PGBD5: variants seen among roughly 807,000 people sequenced by gnomAD.
PGBD5 encodes piggyBac transposable element-derived protein 5.
In PGBD5, 14 loss-of-function variants were observed where a neutral mutation model predicts 47.9. The ratio of observed to expected loss-of-function variants is 0.29; its 90% confidence interval spans 0.19 to 0.46. The LOEUF (loss-of-function observed/expected upper bound fraction) is 0.46. Among genes scored for constraint, PGBD5 ranks in the 20% least tolerant of loss-of-function variants. The pLI, the probability that PGBD5 is intolerant of heterozygous loss-of-function variation, is 1.00. For missense variants in PGBD5, 635 were observed against 716.0 expected, an observed-to-expected ratio of 0.89 and a Z score of 1.29; for synonymous variants, 316 against 306.3, an observed-to-expected ratio of 1.03 and a Z score of -0.33.
intron 3 of PGBD5, among the ~76,000 whole-genome samples, chr1:230,340,983 T>C (rs1667399855): frequency 6.6e-6 from 1 of 152,096 alleles, no homozygotes; most frequent in African/African-American, 2.4e-5. Context: ...GGACAGGCAC[T>C]GAGCTAAAGG....
intron 2 of PGBD5, among the ~76,000 whole-genome samples, chr1:230,351,492 G>GCCCCTTCCACTCATGGAAA (rs978899267): frequency 6.6e-6 from 1 of 152,130 alleles, no homozygotes; most frequent in Non-Finnish European, 1.5e-5. Flanking sequence ...TTTCATGGAA[G>GCCCCTTCCACTCATGGAAA]CCCCTTCCAC....
chr1:230,363,761 G>A (rs1667785770), intron 1 of PGBD5, among the ~76,000 whole-genome samples: 1 of 152,172 alleles, frequency 6.6e-6, no homozygotes, highest in African/African-American at 2.4e-5. Context: ...AAGGGCTTAA[G>A]AGGATGGAAT....
chr1:230,346,248 C>T (rs1347545832), intron 3 of PGBD5, among the ~76,000 whole-genome samples: 2 of 151,898 alleles, frequency 1.3e-5, no homozygotes, highest in Non-Finnish European at 2.9e-5. Flanking sequence ...GCCATGTTGC[C>T]CAGGCTGGTC....
chr1:230,331,255 T>C lies in PGBD5; in HGVS notation c.1273+1589A>G, dbSNP rs1036683218. Among the ~76,000 whole-genome samples, 38 of 151,744 alleles carry C rather than the reference T, an allele frequency of 2.5e-4. 1 individual carries two copies. Among genetic ancestry groups the C allele is most frequent in the Non-Finnish European group, 1.9e-4 (13 of 67,924 alleles). On this transcript the variant is annotated intron_variant, in intron 5 of 6. Coordinates refer to ENST00000391860, the MANE Select transcript of PGBD5 (RefSeq NM_001258311.2). ...TAGTGAGACCCTGTCTCACAAAAAATACAAAAAAACATTAGCCGGGCGCAG... is the reference window on the plus strand; with the variant it reads ...TAGTGAGACCCTGTCTCACAAAAAACACAAAAAAACATTAGCCGGGCGCAG...
At chr1:230,375,652 CTTTTTTTTTTTTT>C (rs199545872) in intron 1 of PGBD5, among the ~76,000 whole-genome samples, 24,178 of 105,952 alleles carry the variant, frequency 0.23, 2,576 homozygotes, top group South Asian at 0.35. Context: ...TCCTATTTGA[CTTTTTTTTTTTTT>C]TTTTTTTTTT....
intron 5 of PGBD5, among the ~76,000 whole-genome samples, chr1:230,327,714 C>T (rs1214073010): frequency 2.0e-5 from 3 of 152,328 alleles, no homozygotes; most frequent in Non-Finnish European, 2.9e-5. Context: ...CAGGGCTCAG[C>T]GCACCAGGCG....
chr1:230,406,905 C>T (rs1022122932), intron 1 of PGBD5, among the ~76,000 whole-genome samples: 2 of 152,194 alleles, frequency 1.3e-5, no homozygotes, highest in Non-Finnish European at 1.5e-5. Context: ...GCGCAATCTT[C>T]GCTCACTGCA....
In PGBD5 at chr1:230,333,018, G is replaced by A. The variant is rs1327319064; in HGVS notation, c.1099C>T (p.Arg367Cys). Reference protein sequence around the residue: ...KQGIYCCGLLRARKSDCTGLP... With the variant: ...KQGIYCCGLLCARKSDCTGLP... ...CCGGTGCAGTCACTCTTCCGCGCGC[G>A]GAGCAAGCCGCAGCAGTAAATCCCT... The change falls in exon 5 of 7, where the codon CGC (arginine) becomes TGC (cysteine). Residue 367 changes from arginine to cysteine, a missense_variant. By Grantham distance (180) the Arg-to-Cys change is radical. Coordinates refer to ENST00000391860, the MANE Select transcript of PGBD5 (RefSeq NM_001258311.2). The A allele has an allele frequency of 2.5e-6, 4 of 1,603,444 alleles. No individual in the cohort carries two copies. The highest frequency in any genetic ancestry group is 1.1e-5 in the South Asian group (1 of 89,988).
chr1:230,348,487 C>T (rs558635833), intron 3 of PGBD5, among the ~76,000 whole-genome samples: 4 of 152,204 alleles, frequency 2.6e-5, no homozygotes, highest in East Asian at 1.9e-4. Context: ...GGGATCAACA[C>T]GGCCTGCTCT....
At chr1:230,383,384 TGA>T (rs1040541300) in intron 1 of PGBD5, among the ~76,000 whole-genome samples, 14 of 150,330 alleles carry the variant, frequency 9.3e-5, no homozygotes, top group Non-Finnish European at 1.3e-4. Flanking sequence ...TTTTAATTTT[TGA>T]GAGAGTCTCA....
intron 3 of PGBD5, among the ~76,000 whole-genome samples, chr1:230,348,127 A>G (rs748089823): frequency 1.3e-5 from 2 of 152,240 alleles, no homozygotes; most frequent in Non-Finnish European, 2.9e-5. Flanking sequence ...CTTCCCCGCT[A>G]AGTCATTCAG....
Position 230,328,164 on chromosome 1 carries a change from C to T in PGBD5, c.1274-2749G>A, listed in dbSNP as rs540358513. 1.5e-4 allele frequency among the ~76,000 whole-genome samples: 23 copies of T among 152,338 alleles called. 1 individual carries two copies. The South Asian group carries it at 4.6e-3, about 30-fold the overall frequency. The stretch of plus-strand genomic sequence containing the variant: ...TAGCCACCGACCTTGCAGCTTTTCA[C>T]CTCCTGATTTCAGCCCAATAAGAGC... On this transcript the variant is annotated intron_variant, in intron 5 of 6. Coordinates refer to ENST00000391860, the MANE Select transcript of PGBD5 (RefSeq NM_001258311.2).
At chr1:230,362,234 A>C (rs777006776) in intron 1 of PGBD5, 1 of 1,356,750 alleles carries the variant, frequency 7.4e-7, no homozygotes, top group East Asian at 4.6e-5. Context: ...ATCAGGTGAG[A>C]CCTGGCTGGG....
intron 1 of PGBD5, among the ~76,000 whole-genome samples, chr1:230,364,100 T>TC (rs1667790295): frequency 6.6e-6 from 1 of 152,200 alleles, no homozygotes; most frequent in Admixed American, 6.5e-5. Context: ...AAAGACTTTT[T>TC]CCCTTGCTCA....
chr1:230,337,218 T>A lies in PGBD5; in HGVS notation c.965A>T (p.His322Leu). 6.2e-7 allele frequency: 1 copy of A among 1,614,194 alleles called. No homozygotes were observed. Among genetic ancestry groups the A allele is most frequent in the East Asian group, 2.2e-5 (1 of 44,882 alleles). The change falls in exon 4 of 7, where the codon CAC (histidine) becomes CTC (leucine). Residue 322 changes from histidine to leucine, a missense_variant. Coordinates refer to ENST00000391860, the MANE Select transcript of PGBD5 (RefSeq NM_001258311.2). ...LDALKNKPQL[H>L]SMVARSLCRN... ...GCACAGGCTCCTGGCCACCATGCTG[T>A]GGAGCTGGGGCTTATTCTTCAGCGC...
chr1:230,381,350 G>A lies in PGBD5; in HGVS notation c.332-24029C>T, dbSNP rs115901557. ...AGCCTACTCTCTGGGTGTCCCTGGG[G>A]AACATGCACACGCTGCTGCTGCCTG... On this transcript the variant is annotated intron_variant, in intron 1 of 6. Coordinates refer to ENST00000391860, the MANE Select transcript of PGBD5 (RefSeq NM_001258311.2). 1.7e-3 allele frequency among the ~76,000 whole-genome samples: 261 copies of A among 152,306 alleles called. 1 individual carries two copies. The highest frequency in any genetic ancestry group is 6.0e-3 in the African/African-American group (249 of 41,572).
chr1:230,403,927 T>C (rs1436040652), intron 1 of PGBD5, among the ~76,000 whole-genome samples: 1 of 152,106 alleles, frequency 6.6e-6, no homozygotes, highest in African/African-American at 2.4e-5. Flanking sequence ...ATAATTATAG[T>C]GCTCAAGAGG....
intron 1 of PGBD5, among the ~76,000 whole-genome samples, chr1:230,383,034 GCTGT>G (rs1227179777): frequency 2.6e-5 from 4 of 152,056 alleles, no homozygotes; most frequent in Admixed American, 2.6e-4. Flanking sequence ...CTGCCATCTC[GCTGT>G]CTCTGTTTTA....
At chr1:230,417,559 C>G (rs1179471720) in intron 1 of PGBD5, among the ~76,000 whole-genome samples, 1 of 152,272 alleles carries the variant, frequency 6.6e-6, no homozygotes, top group East Asian at 1.9e-4. Flanking sequence ...CACGCCTTCT[C>G]TCCCCTTTGC....
Sources: gnomAD v4.1 joint callset for allele counts (sites outside exome capture counted in the v4.1 genomes callset) on GRCh38, gnomAD v4.1.1 for gene constraint, MANE v1.5 for transcripts, NCBI Gene and HGNC (gene_info 2026-07-23, HGNC 2026-07-21) for gene names.